CTNNA1: variants seen among roughly 807,000 people sequenced by gnomAD.
CTNNA1 encodes the protein catenin alpha 1.
CTNNA1 carries 37 observed loss-of-function variants against 98.4 expected under a neutral mutation model. The observed-to-expected ratio is 0.38, with a 90% CI of 0.29 to 0.49. The LOEUF (loss-of-function observed/expected upper bound fraction) is 0.49, where lower values mean the gene tolerates loss of function less well. CTNNA1 is among the 20% of genes least tolerant of loss of function. CTNNA1 has a pLI of 0.95. For synonymous variants in CTNNA1, 404 were observed against 413.2 expected, an observed-to-expected ratio of 0.98 and a Z score of 0.27; for missense variants, 761 against 1,147.2, an observed-to-expected ratio of 0.66 and a Z score of 4.86.
intron 7 of CTNNA1, among the ~76,000 whole-genome samples, chr5:138,841,485 C>T (rs1762268342): frequency 6.6e-6 from 1 of 152,076 alleles, no homozygotes; most frequent in African/African-American, 2.4e-5. Context: ...GTCTTGAACT[C>T]CTGACCTCAG....
In CTNNA1 at chr5:138,875,641, G is replaced by A. The variant is rs918566564; in HGVS notation, c.1063-10571G>A. ...GTGATGATTTTTAATGCTTGTGAGA[G>A]CCAGTGTTAGACTGCCGATTCTGCA... On this transcript the variant is annotated intron_variant, in intron 7 of 17. Transcript: ENST00000302763. The A allele has an allele frequency of 2.0e-5, 20 of 985,330 alleles. No individual in the cohort carries two copies. In the African/African-American group the frequency reaches 3.1e-4, roughly 15 times the overall value. 61.0% of individuals were successfully genotyped at this position (985,330 alleles called of 1,614,324 possible).
At chr5:138,796,055 A>G (rs1469224233) in intron 3 of CTNNA1, among the ~76,000 whole-genome samples, 1 of 152,186 alleles carries the variant, frequency 6.6e-6, no homozygotes, top group Admixed American at 6.5e-5. Flanking sequence ...GTATTCTTCT[A>G]CAACATAATT....
intron 1 of CTNNA1, among the ~76,000 whole-genome samples, chr5:138,765,926 C>T (rs924449860): frequency 6.7e-5 from 8 of 119,078 alleles, no homozygotes; most frequent in Admixed American, 3.6e-4. Context: ...TCCAGCCTGG[C>T]GATAGAGTGA....
chr5:138,779,472 C>T (rs964438841), intron 1 of CTNNA1, among the ~76,000 whole-genome samples: 8 of 151,954 alleles, frequency 5.3e-5, no homozygotes, highest in South Asian at 2.1e-4. Context: ...GTCCCCTTTC[C>T]GCACAATACA....
chr5:138,753,528 T>C lies in CTNNA1; in HGVS notation c.-3+18T>C. 1 of 374,560 alleles carries C rather than the reference T, an allele frequency of 2.7e-6. No homozygotes were observed. The highest frequency in any genetic ancestry group is 4.7e-6 in the Non-Finnish European group (1 of 210,912). The allele number at this position is 374,560 out of a possible 1,614,324, so 23.2% of individuals were successfully genotyped here. A position where few individuals can be genotyped will look rare whatever the true frequency, so the allele number is the denominator to read the frequency against. ...AGCCGCAGGTAACTTCGTACCTCCC[T>C]CCTCGCGGGCGCGGTCTCTCGGGCC... On this transcript the variant is annotated intron_variant, in intron 1 of 17. Coordinates refer to ENST00000302763, the MANE Select transcript of CTNNA1 (RefSeq NM_001903.5).
chr5:138,823,286 T>G (rs1379093404), intron 5 of CTNNA1, among the ~76,000 whole-genome samples: 1 of 152,174 alleles, frequency 6.6e-6, no homozygotes, highest in Non-Finnish European at 1.5e-5. Flanking sequence ...GCATATCTAC[T>G]CAGCCTACCA....
At chr5:138,836,185 A>T (rs1440683592) in intron 7 of CTNNA1, among the ~76,000 whole-genome samples, 1 of 152,200 alleles carries the variant, frequency 6.6e-6, no homozygotes, top group African/African-American at 2.4e-5. Context: ...GCATAACTGC[A>T]ACTTTGTATT....
chr5:138,915,300 A>G (rs1761503028), intron 10 of CTNNA1, among the ~76,000 whole-genome samples: 1 of 152,240 alleles, frequency 6.6e-6, no homozygotes, highest in African/African-American at 2.4e-5. Context: ...CTGAATAGAC[A>G]TCTCTTCAAA....
intron 6 of CTNNA1, among the ~76,000 whole-genome samples, chr5:138,825,614 T>C (rs1056279021): frequency 6.6e-6 from 1 of 151,012 alleles, no homozygotes; most frequent in African/African-American, 2.4e-5. Context: ...CTATGAAATA[T>C]AGAATAAAAA....
chr5:138,780,433 T>C (rs988272141), intron 1 of CTNNA1, among the ~76,000 whole-genome samples: 4 of 151,972 alleles, frequency 2.6e-5, no homozygotes, highest in Non-Finnish European at 5.9e-5. Context: ...GACCTCATGA[T>C]CTGCCCGCCT....
chr5:138,888,323 A>T (rs939883031), intron 9 of CTNNA1, among the ~76,000 whole-genome samples: 1 of 152,170 alleles, frequency 6.6e-6, no homozygotes, highest in African/African-American at 2.4e-5. Flanking sequence ...TATGTTACTT[A>T]ATTTATTCAT....
intron 7 of CTNNA1, among the ~76,000 whole-genome samples, chr5:138,885,007 AATTTTACTTAT>A (rs1753723574): frequency 6.6e-6 from 1 of 152,202 alleles, no homozygotes; most frequent in Admixed American, 6.5e-5. Flanking sequence ...TGATCATATC[AATTTTACTTAT>A]ATTTCAACTC....
At chr5:138,893,354 A>G (rs1030847198) in intron 9 of CTNNA1, among the ~76,000 whole-genome samples, 1 of 152,010 alleles carries the variant, frequency 6.6e-6, no homozygotes, top group Non-Finnish European at 1.5e-5. Context: ...GCTGCTGCTC[A>G]GTGTCATCAT....
rs1441938189 is a variant in CTNNA1, at chr5:138,850,945, T to C, written c.1062+23227T>C. ...TTTAACTTTAGCCATGCACAAACGT[T>C]CTGTTAGGGGAATATTGAGCATTAC... On this transcript the variant is annotated intron_variant, in intron 7 of 17. Coordinates refer to ENST00000302763, the MANE Select transcript of CTNNA1 (RefSeq NM_001903.5). 2.6e-5 allele frequency among the ~76,000 whole-genome samples: 4 copies of C among 152,228 alleles called. No individual in the cohort carries two copies. The South Asian group carries it at 6.2e-4, about 24-fold the overall frequency.
At chr5:138,893,684 C>T (rs1475994852) in intron 9 of CTNNA1, among the ~76,000 whole-genome samples, 6 of 151,654 alleles carry the variant, frequency 4.0e-5, no homozygotes, top group Admixed American at 6.6e-5. Flanking sequence ...AGTGCAGTGG[C>T]GCAATCTCGG....
intron 10 of CTNNA1, among the ~76,000 whole-genome samples, chr5:138,907,569 T>G (rs754105080): frequency 3.3e-5 from 5 of 152,134 alleles, no homozygotes; most frequent in Admixed American, 1.3e-4. Flanking sequence ...TCCTCTCTTG[T>G]GGGCAGTGAT....
At chr5:138,785,975 A>G (rs921689289) in intron 3 of CTNNA1, among the ~76,000 whole-genome samples, 3 of 152,202 alleles carry the variant, frequency 2.0e-5, no homozygotes, top group Non-Finnish European at 2.9e-5. Context: ...AAGTTTCTCC[A>G]GTGCAAATAT....
chr5:138,858,906 C>G (rs985745700), intron 7 of CTNNA1, among the ~76,000 whole-genome samples: 2 of 152,176 alleles, frequency 1.3e-5, no homozygotes, highest in African/African-American at 4.8e-5. Flanking sequence ...GCCTTTGGCT[C>G]TCTTGTAGTT....
At chr5:138,829,571 G>A (rs1184487153) in intron 7 of CTNNA1, among the ~76,000 whole-genome samples, 1 of 152,186 alleles carries the variant, frequency 6.6e-6, no homozygotes, top group Non-Finnish European at 1.5e-5. Context: ...CTGGTCATGA[G>A]TAACCTTGAG....
Sources: gnomAD v4.1 joint callset for allele counts (sites outside exome capture counted in the v4.1 genomes callset) on GRCh38, gnomAD v4.1.1 for gene constraint, MANE v1.5 for transcripts, NCBI Gene and HGNC (gene_info 2026-07-23, HGNC 2026-07-21) for gene names.